Variants in PRKN observed in about 807,000 individuals in gnomAD.
The protein encoded by PRKN is parkin RBR E3 ubiquitin protein ligase, also known as E3 ubiquitin-protein ligase parkin.
In PRKN, 56 loss-of-function variants were observed where a neutral mutation model predicts 59.5. The ratio of observed to expected loss-of-function variants is 0.94; its 90% confidence interval spans 0.76 to 1.18. The LOEUF is 1.18. Among genes scored for constraint, PRKN ranks in the 50% most tolerant of loss-of-function variants. PRKN has a pLI of 0.00. For synonymous variants in PRKN, 250 were observed against 222.1 expected (o/e 1.13, Z -1.12); for missense variants, 657 against 596.4 (o/e 1.10, Z -1.06).
At chr6:162,414,726 A>AAAAAAAAAAAAATT (rs34838356) in intron 2 of PRKN, among the ~76,000 whole-genome samples, 3 of 91,872 alleles carry the variant, frequency 3.3e-5, no homozygotes, top group East Asian at 7.4e-4. Context: ...AAAAAAAAAA[A>AAAAAAAAAAAAATT]AGTGAATCTT....
At position 161,361,140 on chromosome 6, in the gene PRKN, G is replaced by A. The variant is rs570116252; in HGVS notation, c.1168-935C>T. On this transcript the variant is annotated intron_variant, in intron 10 of 11. Coordinates refer to ENST00000366898, the MANE Select transcript of PRKN (RefSeq NM_004562.3). This position sits in a 1 kb window ranked among gnomAD's most constrained non-coding sequence, Gnocchi z 5.2. ...CTGTGACCTTAAGGACCAGCCATTC[G>A]CTGATTATCCCCAGATAAGATGCAG... is the stretch of plus-strand genomic sequence containing the variant. Among the ~76,000 whole-genome samples the A allele has an allele frequency of 4.6e-5, 7 of 152,234 alleles. No individual in the cohort carries two copies. The highest frequency in any genetic ancestry group is 4.1e-4 in the South Asian group (2 of 4,820).
chr6:161,901,322 A>G (rs1777908838), intron 6 of PRKN, among the ~76,000 whole-genome samples: 1 of 152,118 alleles, frequency 6.6e-6, no homozygotes, highest in African/African-American at 2.4e-5. Flanking sequence ...AGTGCGAGGA[A>G]AAGCATGTCT....
intron 1 of PRKN, among the ~76,000 whole-genome samples, chr6:162,720,859 T>C (rs959977047): frequency 8.5e-5 from 13 of 152,206 alleles, no homozygotes; most frequent in African/African-American, 2.7e-4. Flanking sequence ...TCTGATGACA[T>C]TGTTCTCTCC....
chr6:162,378,279 A>T (rs991525364), intron 2 of PRKN, among the ~76,000 whole-genome samples: 1 of 152,242 alleles, frequency 6.6e-6, no homozygotes, highest in Non-Finnish European at 1.5e-5. Flanking sequence ...GGGTTTCAAG[A>T]ATACTTTTTT....
chr6:161,600,041 A>G (rs941883313), intron 7 of PRKN, among the ~76,000 whole-genome samples: 3 of 152,160 alleles, frequency 2.0e-5, no homozygotes, highest in African/African-American at 4.8e-5. Context: ...TGTTATATTA[A>G]CATTCAATTA....
chr6:162,487,435 T>C (rs1402487909), intron 1 of PRKN, among the ~76,000 whole-genome samples: 1 of 152,224 alleles, frequency 6.6e-6, no homozygotes, highest in Non-Finnish European at 1.5e-5. Flanking sequence ...CAGGAGAGCC[T>C]GCACGCGTGG....
At chr6:162,613,919 A>G (rs1782294319) in intron 1 of PRKN, among the ~76,000 whole-genome samples, 1 of 152,216 alleles carries the variant, frequency 6.6e-6, no homozygotes, top group Non-Finnish European at 1.5e-5. Context: ...AGATCTTAAA[A>G]GAACAGGTAC....
chr6:161,812,717 T>TCAA (rs1791612764), intron 6 of PRKN, among the ~76,000 whole-genome samples: 1 of 152,098 alleles, frequency 6.6e-6, no homozygotes, highest in South Asian at 2.1e-4. Context: ...TATCCAAAAT[T>TCAA]AAAAAGACTG....
rs13206689 is a variant in PRKN, at chr6:161,369,738, G to A, written c.1168-9533C>T. ...AATATACTTCATGGCTGAAAATAGC[G>A]ATTTCATAAATATATATATGAAACA... is the stretch of plus-strand genomic sequence containing the variant. On this transcript the variant is annotated intron_variant, in intron 10 of 11. Coordinates refer to ENST00000366898, the MANE Select transcript of PRKN (RefSeq NM_004562.3). The surrounding 1 kb of genome is among the most constrained non-coding windows in gnomAD (Gnocchi z 5.8). 0.14 allele frequency among the ~76,000 whole-genome samples: 20,572 copies of A among 151,546 alleles called. 2,300 individuals carry two copies. Among genetic ancestry groups the A allele is most frequent in the African/African-American group, 0.31 (12,911 of 41,238 alleles).
chr6:161,812,706 A>G (rs1791612420), intron 6 of PRKN, among the ~76,000 whole-genome samples: 1 of 152,214 alleles, frequency 6.6e-6, no homozygotes, highest in South Asian at 2.1e-4. Context: ...ACCTACTAAA[A>G]TATCCAAAAT....
At position 161,488,595 on chromosome 6, in the gene PRKN, C is replaced by T. The variant is rs550084265; in HGVS notation, c.1083+60259G>A. On this transcript the variant is annotated intron_variant, in intron 9 of 11. Coordinates refer to ENST00000366898, the MANE Select transcript of PRKN (RefSeq NM_004562.3). This position sits in a 1 kb window ranked among gnomAD's most constrained non-coding sequence, Gnocchi z 4.5. ...TGAATTCCTGGGCTCAAGTGATCTT[C>T]CTGCCTCAGCCTCCTGAGTAGGTGG... Among the ~76,000 whole-genome samples the T allele has an allele frequency of 2.6e-5, 4 of 152,142 alleles. No individual in the cohort carries two copies. The highest frequency in any genetic ancestry group is 5.9e-5 in the Non-Finnish European group (4 of 68,034).
rs137908243 is a variant in PRKN, at chr6:161,443,967, C to T, written c.1084-57090G>A. ...ACAAAGGTAGAGATGCTGGCATCAG[C>T]AGCCTGTTAGCATTTAATTTACATG... On this transcript the variant is annotated intron_variant, in intron 9 of 11. Transcript: ENST00000366898. Among the ~76,000 whole-genome samples the T allele has an allele frequency of 8.4e-3, 1,282 of 152,368 alleles. 15 individuals are homozygous for T. Among genetic ancestry groups the T allele is most frequent in the African/African-American group, 0.029 (1,206 of 41,590 alleles).
intron 6 of PRKN, among the ~76,000 whole-genome samples, chr6:161,846,697 C>T (rs1450996806): frequency 1.3e-5 from 2 of 152,050 alleles, no homozygotes; most frequent in South Asian, 2.1e-4. Context: ...GTGGGAGACT[C>T]GGGTCTTGTG....
At chr6:161,908,666 G>GA (rs11339006) in intron 6 of PRKN, among the ~76,000 whole-genome samples, 1,590 of 147,826 alleles carry the variant, frequency 0.011, 13 homozygotes, top group Non-Finnish European at 0.017. Context: ...TCTTTTCAAT[G>GA]AAAAAAAAAA....
chr6:162,698,642 A>T (rs982821532), intron 1 of PRKN, among the ~76,000 whole-genome samples: 1 of 152,118 alleles, frequency 6.6e-6, no homozygotes, highest in Admixed American at 6.6e-5. Flanking sequence ...AGCTGCAGAG[A>T]TAAGAACTGA....
At chr6:161,732,712 C>A (rs1485916369) in intron 7 of PRKN, among the ~76,000 whole-genome samples, 4 of 152,168 alleles carry the variant, frequency 2.6e-5, no homozygotes, top group Admixed American at 2.6e-4. Flanking sequence ...CATGCTGCTG[C>A]AAAGGCCATG....
chr6:161,940,255 T>C (rs1289574542), intron 6 of PRKN, among the ~76,000 whole-genome samples: 2 of 148,482 alleles, frequency 1.3e-5, no homozygotes, highest in African/African-American at 5.0e-5. Context: ...ATCACAAAAT[T>C]TGCAAATCAT....
intron 4 of PRKN, among the ~76,000 whole-genome samples, chr6:162,054,441 T>A (rs958049428): frequency 9.2e-5 from 14 of 152,210 alleles, no homozygotes; most frequent in African/African-American, 3.4e-4. Flanking sequence ...CCCCTACGGC[T>A]GAGGTTAAAT....
At chr6:162,272,620 G>T (rs1305873691) in intron 2 of PRKN, among the ~76,000 whole-genome samples, 2 of 151,970 alleles carry the variant, frequency 1.3e-5, no homozygotes, top group Admixed American at 6.6e-5. Context: ...AATTCCAATG[G>T]TTGCGATTAA....
Sources: allele counts gnomAD v4.1 joint callset (sites outside exome capture counted in the v4.1 genomes callset), GRCh38; gene constraint gnomAD v4.1.1; non-coding constraint Gnocchi (gnomAD v3.1); transcripts MANE v1.5; gene names NCBI Gene and HGNC (gene_info 2026-07-23, HGNC 2026-07-21).